ME3: variants seen among roughly 807,000 people sequenced by gnomAD.
ME3 encodes the protein malic enzyme 3, also known as NADP-dependent malic enzyme, mitochondrial.
In ME3, 48 loss-of-function variants were observed where a neutral mutation model predicts 68.9. The observed-to-expected ratio is 0.70, with a 90% CI of 0.55 to 0.89. The LOEUF (loss-of-function observed/expected upper bound fraction) is 0.89, where lower values mean the gene tolerates loss of function less well. Among genes scored for constraint, ME3 ranks in the 40% least tolerant of loss-of-function variants. The pLI is 0.00. For missense variants in ME3, 675 were observed against 797.4 expected, an observed-to-expected ratio of 0.85 and a Z score of 1.85; for synonymous variants, 320 against 318.8, an observed-to-expected ratio of 1.00 and a Z score of -0.04.
At chr11:86,639,255 A>G (rs1286678227) in intron 2 of ME3, among the ~76,000 whole-genome samples, 4 of 152,192 alleles carry the variant, frequency 2.6e-5, no homozygotes, top group Non-Finnish European at 5.9e-5. Context: ...CCTTTAGCAG[A>G]TTTATTCAAT....
chr11:86,539,238 A>G (rs1955883769), intron 4 of ME3, among the ~76,000 whole-genome samples: 2 of 151,402 alleles, frequency 1.3e-5, no homozygotes, highest in Admixed American at 6.6e-5. Flanking sequence ...CCTGCTTGGA[A>G]CTCATCCAGT....
At chr11:86,488,834 C>T (rs1189048393) in intron 6 of ME3, among the ~76,000 whole-genome samples, 3 of 152,170 alleles carry the variant, frequency 2.0e-5, no homozygotes, top group Non-Finnish European at 4.4e-5. Context: ...CATTATACTG[C>T]AGGGCAGAGT....
chr11:86,522,826 G>A (rs201116961), intron 4 of ME3, among the ~76,000 whole-genome samples: 41 of 152,166 alleles, frequency 2.7e-4, no homozygotes, highest in Middle Eastern at 3.4e-3. Context: ...AACTATTTAC[G>A]TAGAATTTAC....
chr11:86,521,320 A>C (rs1287037523), intron 4 of ME3, among the ~76,000 whole-genome samples: 1 of 151,924 alleles, frequency 6.6e-6, no homozygotes, highest in Non-Finnish European at 1.5e-5. Flanking sequence ...GCGTGAACCC[A>C]GGAGGCGGAG....
chr11:86,468,446 C>T (rs569895459), intron 7 of ME3, among the ~76,000 whole-genome samples: 3 of 152,316 alleles, frequency 2.0e-5, no homozygotes, highest in African/African-American at 7.2e-5. Flanking sequence ...TTTATCCATC[C>T]ATCCATTCAC....
intron 2 of ME3, among the ~76,000 whole-genome samples, chr11:86,564,589 G>A (rs900068770): frequency 6.6e-6 from 1 of 151,998 alleles, no homozygotes; most frequent in East Asian, 1.9e-4. Context: ...ATTCCAAGTC[G>A]ATCCAATGGG....
At chr11:86,568,082 A>G (rs1456705327) in intron 2 of ME3, among the ~76,000 whole-genome samples, 1 of 152,174 alleles carries the variant, frequency 6.6e-6, no homozygotes, top group African/African-American at 2.4e-5. Context: ...GTTACAGATT[A>G]TATTATCTGG....
At chr11:86,469,243 C>T (rs1174543946) in intron 7 of ME3, among the ~76,000 whole-genome samples, 2 of 152,142 alleles carry the variant, frequency 1.3e-5, no homozygotes, top group Non-Finnish European at 2.9e-5. Flanking sequence ...GTAGCACAAC[C>T]TACTTAATAT....
intron 4 of ME3, among the ~76,000 whole-genome samples, chr11:86,554,177 A>G (rs991874385): frequency 1.3e-5 from 2 of 152,192 alleles, no homozygotes. Context: ...TAACCCTTCT[A>G]CTAGTTCATC....
chr11:86,606,819 A>G (rs576763528), intron 2 of ME3, among the ~76,000 whole-genome samples: 1 of 152,268 alleles, frequency 6.6e-6, no homozygotes, highest in East Asian at 1.9e-4. Flanking sequence ...TGGGTTAACT[A>G]ATGCTTACCC....
At chr11:86,650,230 G>A (rs1355141505) in intron 2 of ME3, among the ~76,000 whole-genome samples, 3 of 152,112 alleles carry the variant, frequency 2.0e-5, no homozygotes, top group Admixed American at 6.5e-5. Context: ...CTTAATAAAT[G>A]GTGTTGGGAA....
chr11:86,538,362 A>C (rs1285122094), intron 4 of ME3, among the ~76,000 whole-genome samples: 1 of 151,876 alleles, frequency 6.6e-6, no homozygotes, highest in African/African-American at 2.4e-5. Context: ...ATGCACTCTC[A>C]CCTCCTAGGA....
chr11:86,455,036 C>T (rs1247281746), intron 8 of ME3, among the ~76,000 whole-genome samples: 1 of 152,242 alleles, frequency 6.6e-6, no homozygotes, highest in Non-Finnish European at 1.5e-5. Context: ...TCATACTTCT[C>T]AGAAGATGGG....
intron 2 of ME3, among the ~76,000 whole-genome samples, chr11:86,628,825 G>C (rs1412597774): frequency 1.3e-5 from 2 of 152,144 alleles, no homozygotes; most frequent in African/African-American, 4.8e-5. Flanking sequence ...GTGAGCCTCA[G>C]TTTTATAGTC....
downstream of ME3, among the ~76,000 whole-genome samples, chr11:86,440,240 AT>A (rs967247999): frequency 1.3e-5 from 2 of 152,196 alleles, no homozygotes; most frequent in Non-Finnish European, 2.9e-5. Flanking sequence ...CCATCTCCAC[AT>A]GTCTTAACAT....
intron 7 of ME3, among the ~76,000 whole-genome samples, chr11:86,468,456 C>A (rs1198989761): frequency 6.6e-6 from 1 of 152,172 alleles, no homozygotes; most frequent in African/African-American, 2.4e-5. Flanking sequence ...CATCCATTCA[C>A]CCATCCATAA....
Position 86,477,470 on chromosome 11 carries a change from T to C in ME3, c.809+9867A>G, listed in dbSNP as rs899819918. Among the ~76,000 whole-genome samples, 3 of 77,354 alleles carry C rather than the reference T, an allele frequency of 3.9e-5. No homozygotes were observed. In the South Asian group the frequency reaches 9.5e-4, roughly 24 times the overall value. 50.7% of individuals were successfully genotyped at this position (77,354 alleles called of 152,430 possible). Reference sequence around the variant, plus strand: ...TAAGCAATTAAATAATTAAGAGTTATTATTGTTATTATTGGTACTTATTCA... The same window carrying C: ...TAAGCAATTAAATAATTAAGAGTTACTATTGTTATTATTGGTACTTATTCA... On this transcript the variant is annotated intron_variant, in intron 7 of 14. Coordinates refer to ENST00000543262, the Ensembl canonical transcript of ME3.
chr11:86,626,384 G>T (rs1943664833), intron 2 of ME3, among the ~76,000 whole-genome samples: 1 of 152,126 alleles, frequency 6.6e-6, no homozygotes, highest in Admixed American at 6.5e-5. Context: ...CCCTCCTGTG[G>T]CAACAGCTCA....
chr11:86,570,197 G>C (rs552671071), intron 2 of ME3, among the ~76,000 whole-genome samples: 1 of 152,166 alleles, frequency 6.6e-6, no homozygotes, highest in Non-Finnish European at 1.5e-5. Flanking sequence ...ACATCATTAC[G>C]TCATGCTCTG....
Sources: gnomAD v4.1 joint callset for allele counts (sites outside exome capture counted in the v4.1 genomes callset) on GRCh38, gnomAD v4.1.1 for gene constraint, MANE v1.5 for transcripts, NCBI Gene and HGNC (gene_info 2026-07-23, HGNC 2026-07-21) for gene names.